Variants in TTC7B observed in about 807,000 individuals in gnomAD.
TTC7B encodes tetratricopeptide repeat protein 7B.
In TTC7B, 28 loss-of-function variants were observed where a neutral mutation model predicts 106.8. That is an observed-to-expected ratio of 0.26 (90% CI 0.19 to 0.36). The LOEUF is 0.36. Ranked by LOEUF, TTC7B falls within the 10% of genes least tolerant of loss-of-function variation. The probability of loss-of-function intolerance (pLI) is 1.00; values close to 1 mark genes in which losing one functional copy is unlikely to be tolerated. For synonymous variants in TTC7B, 405 were observed against 430.6 expected (o/e 0.94, Z 0.74); for missense variants, 862 against 1,076.4 (o/e 0.80, Z 2.79).
intron 9 of TTC7B, among the ~76,000 whole-genome samples, chr14:90,661,632 C>G (rs1199771933): frequency 6.6e-6 from 1 of 152,034 alleles, no homozygotes; most frequent in East Asian, 1.9e-4. Context: ...GGTAGATAAT[C>G]AAAAATAAGG....
intron 19 of TTC7B, among the ~76,000 whole-genome samples, chr14:90,544,486 C>T (rs1236988055): frequency 6.6e-6 from 1 of 152,140 alleles, no homozygotes; most frequent in East Asian, 1.9e-4. Context: ...ACGTCCATCT[C>T]CCAGGATGGT....
intron 8 of TTC7B, 101 bp from the exon 9 acceptor site, chr14:90,676,761 A>G: frequency 7.6e-7 from 1 of 1,316,788 alleles, no homozygotes; most frequent in Non-Finnish European, 1.1e-6. Context: ...TTGCGAAGGG[A>G]ATGGAGACAA....
intron 15 of TTC7B, among the ~76,000 whole-genome samples, chr14:90,628,839 G>C (rs1191040320): frequency 6.6e-6 from 1 of 152,234 alleles, no homozygotes; most frequent in Admixed American, 6.5e-5. Flanking sequence ...GTTTGGTTTC[G>C]CATGGCTTGA....
At chr14:90,765,343 G>A (rs1890639574) in intron 3 of TTC7B, among the ~76,000 whole-genome samples, 2 of 152,144 alleles carry the variant, frequency 1.3e-5, no homozygotes, top group South Asian at 4.1e-4. Context: ...CTGCTAATGG[G>A]TAAAGGTTTC....
intron 19 of TTC7B, among the ~76,000 whole-genome samples, chr14:90,573,757 C>T (rs780021920): frequency 2.4e-4 from 36 of 152,252 alleles, no homozygotes; most frequent in Admixed American, 5.2e-4. Flanking sequence ...CTGACCCCTG[C>T]CATCTGCTTC....
At chr14:90,769,278 A>G (rs1890786563) in intron 3 of TTC7B, among the ~76,000 whole-genome samples, 1 of 152,236 alleles carries the variant, frequency 6.6e-6, no homozygotes, top group African/African-American at 2.4e-5. Flanking sequence ...AAAAGCTATA[A>G]GGCATGTAGA....
intron 17 of TTC7B, among the ~76,000 whole-genome samples, chr14:90,606,640 T>C (rs1043251789): frequency 6.6e-6 from 1 of 152,054 alleles, no homozygotes; most frequent in Non-Finnish European, 1.5e-5. Context: ...CTGGGACCTA[T>C]GAGATGGCAG....
At chr14:90,634,497 T>G (rs1272253164) in intron 15 of TTC7B, among the ~76,000 whole-genome samples, 1 of 149,454 alleles carries the variant, frequency 6.7e-6, no homozygotes, top group Admixed American at 6.6e-5. Flanking sequence ...GGAGGCCGGG[T>G]GGGGTGGGTC....
chr14:90,794,477 C>T lies in TTC7B; in HGVS notation c.122-8149G>A, dbSNP rs190000621. Among the ~76,000 whole-genome samples the T allele has an allele frequency of 2.2e-3, 340 of 151,500 alleles. 3 individuals carry two copies. Among genetic ancestry groups the T allele is most frequent in the Non-Finnish European group, 4.0e-3 (268 of 67,826 alleles). On this transcript the variant is annotated intron_variant, in intron 1 of 19. Transcript: ENST00000328459. ...TCTTCACCTCGTGATCCACCTGTCT[C>T]GGCCTCCCAAAGTGCTGGGATTATA...
chr14:90,673,816 T>TG (rs1216744198), intron 9 of TTC7B, among the ~76,000 whole-genome samples: 1 of 152,120 alleles, frequency 6.6e-6, no homozygotes, highest in Admixed American at 6.5e-5. Context: ...CATTATGCTA[T>TG]GTGAAAGAAG....
chr14:90,787,615 G>A (rs1215096730), intron 1 of TTC7B, among the ~76,000 whole-genome samples: 2 of 152,100 alleles, frequency 1.3e-5, no homozygotes, highest in African/African-American at 2.4e-5. Flanking sequence ...AGTCATCAGC[G>A]AGGACCCCCC....
intron 1 of TTC7B, among the ~76,000 whole-genome samples, chr14:90,811,120 C>T (rs2030879694): frequency 6.6e-6 from 1 of 152,218 alleles, no homozygotes; most frequent in Admixed American, 6.5e-5. Context: ...AGCCCCAATC[C>T]CAGCTCAGTG....
At chr14:90,653,637 G>A (rs780081548) in intron 12 of TTC7B, among the ~76,000 whole-genome samples, 2 of 152,180 alleles carry the variant, frequency 1.3e-5, no homozygotes, top group East Asian at 1.9e-4. Context: ...GTTTATGGCT[G>A]GAACTGCAAG....
chr14:90,651,826 A>T (rs1330768353), intron 13 of TTC7B, among the ~76,000 whole-genome samples: 1 of 152,224 alleles, frequency 6.6e-6, no homozygotes, highest in Admixed American at 6.5e-5. Flanking sequence ...GATTTCATGA[A>T]AAAAGGCATA....
chr14:90,650,835 GT>G (rs1216932393), intron 13 of TTC7B, among the ~76,000 whole-genome samples: 1 of 152,208 alleles, frequency 6.6e-6, no homozygotes, highest in African/African-American at 2.4e-5. Context: ...AGCTGCCTGG[GT>G]TGAGCTTATG....
chr14:90,804,194 G>T (rs2030458023), intron 1 of TTC7B, among the ~76,000 whole-genome samples: 1 of 152,042 alleles, frequency 6.6e-6, no homozygotes, highest in South Asian at 2.1e-4. Flanking sequence ...AATTAGCCGG[G>T]CGTGGTGGGG....
At chr14:90,658,443 G>T in intron 9 of TTC7B, 56 bp from the exon 10 acceptor site, 1 of 1,498,620 alleles carries the variant, frequency 6.7e-7, no homozygotes. Flanking sequence ...TGCCACAACT[G>T]CACAAGTGTG....
chr14:90,800,282 A>C (rs567141289), intron 1 of TTC7B, among the ~76,000 whole-genome samples: 1 of 152,252 alleles, frequency 6.6e-6, no homozygotes, highest in East Asian at 1.9e-4. Context: ...AAATATGCAG[A>C]AAGAGAGAAA....
intron 18 of TTC7B, among the ~76,000 whole-genome samples, chr14:90,583,137 C>T (rs1891569798): frequency 6.6e-6 from 1 of 152,240 alleles, no homozygotes; most frequent in Admixed American, 6.5e-5. Context: ...TGATCTCCAT[C>T]TGCCTCCCTC....
Sources: allele counts gnomAD v4.1 joint callset (sites outside exome capture counted in the v4.1 genomes callset), GRCh38; gene constraint gnomAD v4.1.1; transcripts MANE v1.5; gene names NCBI Gene and HGNC (gene_info 2026-07-23, HGNC 2026-07-21).